The following GBE1 variants were observed in gnomAD, a reference collection of about 807,000 sequenced individuals.
The protein encoded by GBE1 is 1,4-alpha-glucan branching enzyme 1.
A neutral mutation model predicts 88.8 loss-of-function variants in GBE1; 70 were observed. That is an observed-to-expected ratio of 0.79 (90% CI 0.65 to 0.96). The LOEUF (loss-of-function observed/expected upper bound fraction) is 0.96, where lower values mean the gene tolerates loss of function less well. Ranked by LOEUF, GBE1 falls within the 40% of genes least tolerant of loss-of-function variation. GBE1 has a pLI of 0.00. For missense variants in GBE1, 872 were observed against 871.0 expected (o/e 1.00, Z -0.01); for synonymous variants, 284 against 300.1 (o/e 0.95, Z 0.56).
intron 2 of GBE1, among the ~76,000 whole-genome samples, chr3:81,693,171 A>C (rs1279851025): frequency 1.3e-5 from 2 of 152,338 alleles, no homozygotes; most frequent in East Asian, 3.9e-4. Flanking sequence ...GATTCTCTGG[A>C]CATATACCTC....
intron 4 of GBE1, among the ~76,000 whole-genome samples, 174 bp downstream of exon 4, chr3:81,649,622 G>A (rs1449613133): frequency 1.3e-5 from 2 of 151,960 alleles, no homozygotes; most frequent in African/African-American, 4.8e-5. Context: ...TATGTTACTG[G>A]CTACAGAAGA....
intron 15 of GBE1, among the ~76,000 whole-genome samples, chr3:81,491,194 A>G (rs1231869026): frequency 3.3e-5 from 5 of 152,106 alleles, no homozygotes; most frequent in Non-Finnish European, 7.4e-5. Context: ...TATCTCTTGG[A>G]AAAATCCCAG....
At chr3:81,534,344 C>G (rs1703046346) in intron 14 of GBE1, among the ~76,000 whole-genome samples, 1 of 152,016 alleles carries the variant, frequency 6.6e-6, no homozygotes, top group Admixed American at 6.6e-5. Flanking sequence ...GTGACTGTAT[C>G]TGCTAGGAGA....
chr3:81,537,389 C>G (rs1297519042), intron 12 of GBE1, among the ~76,000 whole-genome samples: 1 of 151,956 alleles, frequency 6.6e-6, no homozygotes, highest in African/African-American at 2.4e-5. Context: ...CAATGTCATA[C>G]TTATTTCATT....
intron 14 of GBE1, among the ~76,000 whole-genome samples, chr3:81,529,389 A>G (rs2106860714): frequency 6.6e-6 from 1 of 152,078 alleles, no homozygotes; most frequent in East Asian, 1.9e-4. Flanking sequence ...TTGTCTGTGT[A>G]CTTATTATTA....
chr3:81,648,821 AT>A lies in GBE1; in HGVS notation c.691+34del, dbSNP rs767342108. Reference sequence around the variant, plus strand: ...CTAATAAGAGAACAGACTCATTAAAATTTTATCTGAATAAAAATCACAGTTA... The same window carrying A: ...CTAATAAGAGAACAGACTCATTAAAATTTATCTGAATAAAAATCACAGTTA... On this transcript the variant is annotated intron_variant, in intron 5 of 15. Coordinates refer to ENST00000429644, the MANE Select transcript of GBE1 (RefSeq NM_000158.4). 5 of 1,321,386 alleles carry A rather than the reference AT, an allele frequency of 3.8e-6. No individual in the cohort carries two copies. The African/African-American group carries it at 6.1e-5, about 16-fold the overall frequency. 81.9% of individuals were successfully genotyped at this position (1,321,386 alleles called of 1,614,324 possible).
chr3:81,612,220 TAAAAA>T (rs11404629), intron 7 of GBE1: 211 of 241,708 alleles, frequency 8.7e-4, no homozygotes, highest in Non-Finnish European at 1.2e-3. Context: ...CACGCTCCTT[TAAAAA>T]AAAAAAAAAA....
chr3:81,499,774 T>C (rs1228633617), intron 14 of GBE1, among the ~76,000 whole-genome samples: 1 of 152,216 alleles, frequency 6.6e-6, no homozygotes, highest in Non-Finnish European at 1.5e-5. Flanking sequence ...TCATTGCATC[T>C]GTACTGAACA....
Position 81,534,989 on chromosome 3 carries a change from C to A in GBE1, c.1934+206G>T, listed in dbSNP as rs1226480847. ...GTCTGCACTAACCCCTCTGTTTAAA[C>A]CCAAAATGAAGCTTAGGAATAATTC... is the stretch of plus-strand genomic sequence containing the variant. On this transcript the variant is annotated intron_variant, in intron 14 of 15. Coordinates refer to ENST00000429644, the MANE Select transcript of GBE1 (RefSeq NM_000158.4). 6.0e-6 allele frequency: 3 copies of A among 503,286 alleles called. No individual in the cohort carries two copies. In the Admixed American group the frequency reaches 1.2e-4, roughly 20 times the overall value. The allele number at this position is 503,286 out of a possible 1,614,324, so 31.2% of individuals were successfully genotyped here.
chr3:81,592,792 G>A (rs1403784015), intron 8 of GBE1, among the ~76,000 whole-genome samples: 7 of 152,066 alleles, frequency 4.6e-5, no homozygotes, highest in African/African-American at 1.7e-4. Flanking sequence ...TCTAGGAAAA[G>A]ATTTTTCTTA....
At chr3:81,739,696 A>G (rs1246455569) in intron 1 of GBE1, among the ~76,000 whole-genome samples, 2 of 152,144 alleles carry the variant, frequency 1.3e-5, no homozygotes, top group African/African-American at 4.8e-5. Flanking sequence ...TTTTTTATTG[A>G]GAGGTTTCAT....
chr3:81,527,086 C>G (rs1702953410), intron 14 of GBE1, among the ~76,000 whole-genome samples: 1 of 152,088 alleles, frequency 6.6e-6, no homozygotes, highest in Admixed American at 6.6e-5. Flanking sequence ...ACCGTCTGAT[C>G]TTTGACAAAT....
intron 11 of GBE1, among the ~76,000 whole-genome samples, chr3:81,578,523 T>G (rs1192079724): frequency 3.3e-5 from 5 of 150,996 alleles, no homozygotes; most frequent in Non-Finnish European, 7.4e-5. Flanking sequence ...ATATATATAT[T>G]ATTTTGCTCA....
chr3:81,761,433 C>T lies in GBE1; in HGVS notation c.85G>A (p.Ala29Thr). The change falls in exon 1 of 16, where the codon GCC becomes ACC. Residue 29 changes from alanine (A) to threonine (T), a missense_variant. Physicochemically the swap from Ala to Thr is moderately conservative, Grantham distance 58 (BLOSUM62 0). Transcript: ENST00000429644. ...TACGGGTCGATCTCCAGGAGTCTGG[C>T]CAGTTCGGGCACGTCAGCCAGGGCG... The part of the protein sequence containing the change: ...NAALADVPEL[A>T]RLLEIDPYLK... The T allele has an allele frequency of 1.9e-6, 3 of 1,613,692 alleles. No individual in the cohort carries two copies. Among genetic ancestry groups the T allele is most frequent in the Non-Finnish European group, 2.5e-6 (3 of 1,179,696 alleles).
intron 14 of GBE1, among the ~76,000 whole-genome samples, chr3:81,501,026 C>CA (rs926975019): frequency 2.0e-5 from 3 of 152,006 alleles, no homozygotes; most frequent in African/African-American, 4.8e-5. Context: ...ACCTGGGTGA[C>CA]AAAAAAATCT....
intron 1 of GBE1, among the ~76,000 whole-genome samples, chr3:81,726,450 GA>G (rs1239017232): frequency 6.6e-6 from 1 of 152,128 alleles, no homozygotes; most frequent in Non-Finnish European, 1.5e-5. Context: ...AACAGGCAGT[GA>G]AGTAATTTAA....
At chr3:81,530,950 T>C (rs936298800) in intron 14 of GBE1, among the ~76,000 whole-genome samples, 2 of 151,806 alleles carry the variant, frequency 1.3e-5, no homozygotes, top group Admixed American at 6.6e-5. Context: ...AGGAATGCCA[T>C]GCTGAAGCTA....
chr3:81,574,206 A>T (rs992224576), intron 12 of GBE1, among the ~76,000 whole-genome samples: 1 of 152,228 alleles, frequency 6.6e-6, no homozygotes, highest in Non-Finnish European at 1.5e-5. Flanking sequence ...GTACTATCAG[A>T]CAACATTCTA....
At chr3:81,649,294 T>G (rs769044918) in intron 4 of GBE1, among the ~76,000 whole-genome samples, 2 of 152,074 alleles carry the variant, frequency 1.3e-5, no homozygotes, top group Non-Finnish European at 2.9e-5. Flanking sequence ...AATTATCTAA[T>G]GCAAAGTATA....
Sources: allele counts gnomAD v4.1 joint callset (sites outside exome capture counted in the v4.1 genomes callset), GRCh38; gene constraint gnomAD v4.1.1; transcripts MANE v1.5; gene names NCBI Gene and HGNC (gene_info 2026-07-23, HGNC 2026-07-21).